Variants in CHD2 observed in about 807,000 individuals in gnomAD.
CHD2 encodes ATP-dependent chromatin remodeler CHD2.
A neutral mutation model predicts 243.9 loss-of-function variants in CHD2; 28 were observed. The ratio of observed to expected loss-of-function variants is 0.11; its 90% confidence interval spans 0.09 to 0.16. The LOEUF (loss-of-function observed/expected upper bound fraction) is 0.16. Among genes scored for constraint, CHD2 ranks in the 10% least tolerant of loss-of-function variants. The pLI, the probability that CHD2 is intolerant of heterozygous loss-of-function variation, is 1.00. For missense variants in CHD2, 1,386 were observed against 2,209.8 expected (o/e 0.63, Z 7.47); for synonymous variants, 775 against 779.0 (o/e 0.99, Z 0.09).
At chr15:92,991,620 ATT>A in intron 27 of CHD2, 103 bp downstream of exon 27, 1 of 719,730 alleles carries the variant, frequency 1.4e-6, no homozygotes, top group Non-Finnish European at 2.2e-6. Flanking sequence ...TGCTGGGAAC[ATT>A]TTTTTTTCTG....
chr15:92,927,161 ATTCTC>A lies in CHD2; in HGVS notation c.295-79_295-75del, dbSNP rs2053078728. The A allele has an allele frequency of 1.1e-5, 11 of 961,994 alleles. No homozygotes were observed. In the East Asian group the frequency reaches 2.5e-4, roughly 22 times the overall value. 59.6% of individuals were successfully genotyped at this position (961,994 alleles called of 1,614,324 possible). On this transcript the variant is annotated intron_variant, in intron 3 of 38. Coordinates refer to ENST00000394196, the MANE Select transcript of CHD2 (RefSeq NM_001271.4). Reference sequence around the variant, plus strand: ...ACCCTTTTGATACTTGGTTACTTGAATTCTCTTCAATTGCAATAAACGTTTGATAA... The same window carrying A: ...ACCCTTTTGATACTTGGTTACTTGAATTCAATTGCAATAAACGTTTGATAA...
intron 24 of CHD2, among the ~76,000 whole-genome samples, chr15:92,983,124 C>T (rs943730474): frequency 1.3e-5 from 2 of 152,144 alleles, no homozygotes; most frequent in African/African-American, 4.8e-5. Flanking sequence ...GCTCTACCCT[C>T]ATGACCTCCT....
intron 3 of CHD2, among the ~76,000 whole-genome samples, chr15:92,924,954 C>T (rs898701386): frequency 7.9e-5 from 12 of 152,096 alleles, no homozygotes; most frequent in Admixed American, 5.9e-4. Flanking sequence ...GTGTCTGCCA[C>T]CACGCCCAGC....
At chr15:92,904,953 GT>G in intron 2 of CHD2, 1 of 1,535,992 alleles carries the variant, frequency 6.5e-7, no homozygotes, top group South Asian at 1.2e-5. Flanking sequence ...GTCCCCATGC[GT>G]TTTTACTTGG....
intron 35 of CHD2, among the ~76,000 whole-genome samples, 191 bp from the exon 36 acceptor site, chr15:93,012,154 C>T (rs375356992): frequency 6.6e-6 from 1 of 152,220 alleles, no homozygotes; most frequent in East Asian, 1.9e-4. Flanking sequence ...TTTCCAAGAA[C>T]CTATCGACAA....
intron 23 of CHD2, 151 bp downstream of exon 23, chr15:92,981,062 C>A (rs2053973624): frequency 6.1e-6 from 4 of 659,054 alleles, no homozygotes; most frequent in Middle Eastern, 2.9e-4. Flanking sequence ...AATCTCATAG[C>A]TCTTACCAAA....
At chr15:92,973,214 C>T (rs1341621674) in intron 19 of CHD2, among the ~76,000 whole-genome samples, 1 of 152,098 alleles carries the variant, frequency 6.6e-6, no homozygotes, top group African/African-American at 2.4e-5. Flanking sequence ...GATGGCTTCC[C>T]CTATTTTCTG....
chr15:92,910,330 A>T (rs2052708388), intron 2 of CHD2, among the ~76,000 whole-genome samples: 1 of 152,190 alleles, frequency 6.6e-6, no homozygotes, highest in Non-Finnish European at 1.5e-5. Flanking sequence ...TAACCAACTC[A>T]CTAAATGAAT....
intron 2 of CHD2, among the ~76,000 whole-genome samples, chr15:92,920,987 G>T (rs895210178): frequency 2.0e-5 from 3 of 151,926 alleles, no homozygotes; most frequent in Admixed American, 6.6e-5. Context: ...GCTTTGGAGT[G>T]AGTCTTTCTA....
intron 2 of CHD2, among the ~76,000 whole-genome samples, chr15:92,910,553 C>T (rs2052713627): frequency 3.3e-5 from 5 of 152,046 alleles, no homozygotes. Flanking sequence ...CCACCATACA[C>T]CCAGCTACTT....
chr15:92,902,456 T>C, intron 2 of CHD2: 1 of 320,218 alleles, frequency 3.1e-6, no homozygotes, highest in South Asian at 1.6e-4. Context: ...TTTTCTAATT[T>C]TTATAAATAA....
chr15:92,943,328 G>A, intron 9 of CHD2: 1 of 439,270 alleles, frequency 2.3e-6, no homozygotes, highest in Non-Finnish European at 4.2e-6. Context: ...ATAAGTGCAT[G>A]AGATTTGTAC....
chr15:92,905,914 G>A (rs1337421190), intron 2 of CHD2, among the ~76,000 whole-genome samples: 3 of 152,280 alleles, frequency 2.0e-5, no homozygotes, highest in Non-Finnish European at 4.4e-5. Flanking sequence ...TTTTTGTGTA[G>A]AGACTGAATT....
At chr15:92,948,719 G>A (rs540524413) in intron 12 of CHD2, among the ~76,000 whole-genome samples, 12 of 152,086 alleles carry the variant, frequency 7.9e-5, no homozygotes, top group Admixed American at 2.0e-4. Context: ...CCTGTATGTA[G>A]TCCCAGCTAC....
intron 7 of CHD2, 28 bp from the exon 8 acceptor site, chr15:92,941,794 C>A: frequency 6.2e-7 from 1 of 1,607,722 alleles, no homozygotes. Context: ...GATCATTTCT[C>A]ATTTATTCAG....
intron 16 of CHD2, among the ~76,000 whole-genome samples, chr15:92,960,316 G>T (rs1468463913): frequency 6.6e-6 from 1 of 152,106 alleles, no homozygotes; most frequent in Non-Finnish European, 1.5e-5. Flanking sequence ...TTCCAAAATG[G>T]ATGCTTTTTA....
chr15:92,946,378 G>A (rs969445341), intron 12 of CHD2, 162 bp downstream of exon 12: 9 of 480,806 alleles, frequency 1.9e-5, no homozygotes, highest in Non-Finnish European at 3.2e-5. Flanking sequence ...AGGAGAGAAT[G>A]AATTATTTCA....
At chr15:93,011,312 G>A (rs1043779720) in intron 35 of CHD2, among the ~76,000 whole-genome samples, 6 of 152,206 alleles carry the variant, frequency 3.9e-5, no homozygotes, top group African/African-American at 1.4e-4. Context: ...AAGGAAGTGC[G>A]TGAAGAGTAG....
intron 12 of CHD2, 40 bp from the exon 13 acceptor site, chr15:92,948,912 A>G (rs1338935069): frequency 6.3e-7 from 1 of 1,592,498 alleles, no homozygotes. Flanking sequence ...ACATAGTAGC[A>G]GTAAGAACAT....
Sources: gnomAD v4.1 joint callset for allele counts (sites outside exome capture counted in the v4.1 genomes callset) on GRCh38, gnomAD v4.1.1 for gene constraint, MANE v1.5 for transcripts, NCBI Gene and HGNC (gene_info 2026-07-23, HGNC 2026-07-21) for gene names.